The following RYR3 variants were observed in gnomAD, a reference collection of about 807,000 sequenced individuals.
The protein encoded by RYR3 is ryanodine receptor 3.
RYR3 carries 207 observed loss-of-function variants against 584.3 expected under a neutral mutation model. The ratio of observed to expected loss-of-function variants is 0.35; its 90% CI spans 0.32 to 0.40. RYR3 has a LOEUF of 0.40. Among genes scored for constraint, RYR3 ranks in the 10% least tolerant of loss-of-function variants. The pLI, the probability that RYR3 is intolerant of heterozygous loss-of-function variation, is 1.00. For synonymous variants in RYR3, 2,416 were observed against 2,248.5 expected (o/e 1.07, Z -2.11); for missense variants, 5,616 against 6,089.2 (o/e 0.92, Z 2.59).
intron 67 of RYR3, among the ~76,000 whole-genome samples, chr15:33,789,208 A>C (rs1279000994): frequency 6.6e-6 from 1 of 152,114 alleles, no homozygotes; most frequent in Non-Finnish European, 1.5e-5. Context: ...GAGAGGCAAC[A>C]CGGGGCCGAG....
chr15:33,625,380 C>T (rs1350428284), intron 20 of RYR3, among the ~76,000 whole-genome samples: 21 of 152,120 alleles, frequency 1.4e-4, no homozygotes, highest in Admixed American at 1.4e-3. Context: ...TATTTCTCTG[C>T]CTGCTTCACA....
At chr15:33,313,039 A>G (rs1205528722) in intron 1 of RYR3, among the ~76,000 whole-genome samples, 1 of 152,144 alleles carries the variant, frequency 6.6e-6, no homozygotes, top group African/African-American at 2.4e-5. Context: ...TGTTGCAGAG[A>G]ACTGCATACC....
intron 3 of RYR3, among the ~76,000 whole-genome samples, chr15:33,514,797 C>T (rs575489394): frequency 4.6e-5 from 7 of 151,940 alleles, no homozygotes; most frequent in Admixed American, 2.6e-4. Context: ...GTCAGGAGAT[C>T]GAGACCATCC....
chr15:33,511,177 A>G (rs2052951188), intron 3 of RYR3, among the ~76,000 whole-genome samples: 1 of 152,072 alleles, frequency 6.6e-6, no homozygotes, highest in African/African-American at 2.4e-5. Flanking sequence ...GACTTAGGCG[A>G]CAGCACATTG....
At position 33,826,155 on chromosome 15, in the gene RYR3, T is replaced by A. The variant is rs541184769; in HGVS notation, c.11147-97T>A. On this transcript the variant is annotated intron_variant, in intron 82 of 103. Coordinates refer to ENST00000634891, the MANE Select transcript of RYR3 (RefSeq NM_001036.6). ...GCTTTAATAAAGCTATCATCTAGGA[T>A]GGATGTGTTCACATAGCCAGTTTTA... is the stretch of plus-strand genomic sequence containing the variant. 10 of 1,154,338 alleles carry A rather than the reference T, an allele frequency of 8.7e-6. No homozygotes were observed. In the East Asian group the frequency reaches 2.3e-4, roughly 27 times the overall value. The allele number at this position is 1,154,338 out of a possible 1,614,324, so 71.5% of individuals were successfully genotyped here.
chr15:33,649,049 T>TAGG, intron 30 of RYR3, 23 bp from the exon 31 acceptor site: 1 of 1,586,888 alleles, frequency 6.3e-7, no homozygotes, highest in Non-Finnish European at 8.6e-7. Flanking sequence ...GGCCATTGAC[T>TAGG]CCCCTCTGCG....
At chr15:33,478,990 CT>C (rs1208851546) in intron 2 of RYR3, among the ~76,000 whole-genome samples, 1 of 152,134 alleles carries the variant, frequency 6.6e-6, no homozygotes, top group Non-Finnish European at 1.5e-5. Context: ...AGTCCCACTT[CT>C]TTTTTGAGGA....
intron 35 of RYR3, 55 bp from the exon 36 acceptor site, chr15:33,663,482 C>G (rs1013646954): frequency 1.8e-5 from 27 of 1,499,566 alleles, no homozygotes; most frequent in African/African-American, 8.3e-5. Flanking sequence ...AATGGGCATG[C>G]TAGCAGCCTC....
chr15:33,858,078 G>A lies in RYR3; in HGVS notation c.14142+164G>A, dbSNP rs548689998. ...AGAAGACAGATGTCTTCTCCAAACA[G>A]GAGAGTGTCCTGGGAAGACAGAAGT... On this transcript the variant is annotated intron_variant, in intron 99 of 103. Transcript: ENST00000634891. 19 of 928,902 alleles carry A rather than the reference G, an allele frequency of 2.0e-5. No homozygotes were observed. The African/African-American group carries it at 2.7e-4, about 13-fold the overall frequency. 57.5% of individuals were successfully genotyped at this position (928,902 alleles called of 1,614,324 possible). A position where few individuals can be genotyped will look rare whatever the true frequency, so the allele number is the denominator to read the frequency against.
intron 3 of RYR3, among the ~76,000 whole-genome samples, chr15:33,513,946 T>C (rs1440779052): frequency 2.6e-5 from 4 of 152,220 alleles, no homozygotes; most frequent in Non-Finnish European, 5.9e-5. Context: ...GTGGTTGAAA[T>C]TGTACTTGTT....
chr15:33,748,437 C>T (rs1197626005), intron 54 of RYR3, 31 bp from the exon 55 acceptor site: 2 of 1,606,038 alleles, frequency 1.2e-6, no homozygotes, highest in Non-Finnish European at 1.7e-6. Flanking sequence ...AAAATAATGG[C>T]AACCCAGTGA....
intron 2 of RYR3, among the ~76,000 whole-genome samples, chr15:33,499,930 C>G (rs1449354308): frequency 2.0e-5 from 3 of 152,126 alleles, no homozygotes; most frequent in Non-Finnish European, 4.4e-5. Flanking sequence ...GACAGGGGCT[C>G]GTGACCACGG....
chr15:33,421,593 G>GT (rs1432256345), intron 1 of RYR3, among the ~76,000 whole-genome samples: 2 of 152,226 alleles, frequency 1.3e-5, no homozygotes, highest in East Asian at 3.9e-4. Context: ...CAGAGGAGGG[G>GT]TTTTTGAAAG....
intron 5 of RYR3, among the ~76,000 whole-genome samples, chr15:33,537,379 T>C (rs538629807): frequency 6.6e-6 from 1 of 152,284 alleles, no homozygotes; most frequent in East Asian, 1.9e-4. Context: ...AGTTTGTTTG[T>C]TTGTTTTTTG....
intron 1 of RYR3, among the ~76,000 whole-genome samples, chr15:33,419,585 G>C (rs556828396): frequency 6.6e-6 from 1 of 152,110 alleles, no homozygotes; most frequent in Non-Finnish European, 1.5e-5. Context: ...CTGCTGACAG[G>C]CTCTGTCAAA....
chr15:33,511,559 C>T lies in RYR3; in HGVS notation c.279+7821C>T, dbSNP rs1401817490. 2.0e-5 allele frequency among the ~76,000 whole-genome samples: 3 copies of T among 151,484 alleles called. No homozygotes were observed. The East Asian group carries it at 5.8e-4, about 29-fold the overall frequency. On this transcript the variant is annotated intron_variant, in intron 3 of 103. Transcript: ENST00000634891. ...TGTATTTGTCATGAACTGGGCCTTT[C>T]ACTTGTGAGTGTTCAGGGCAGTTTC...
chr15:33,472,928 A>G (rs115870603), intron 1 of RYR3, among the ~76,000 whole-genome samples: 319 of 152,224 alleles, frequency 2.1e-3, no homozygotes, highest in African/African-American at 6.2e-3. Context: ...GGCCCACGAC[A>G]TACACTGCCT....
At chr15:33,614,581 C>G (rs2060357216) in intron 19 of RYR3, among the ~76,000 whole-genome samples, 1 of 152,012 alleles carries the variant, frequency 6.6e-6, no homozygotes, top group South Asian at 2.1e-4. Flanking sequence ...CTTTTTCCAA[C>G]ACAGTATTTT....
chr15:33,548,160 G>A lies in RYR3; in HGVS notation c.771G>A (p.Gly257=). ...TATTCTACGAAGCTGGGGGAGCTGG[G>A]ACTCGAGCCAGGTCTCTTTGGAGAG... ...RRIFYEAGGA[G]TRARSLWRVE... Residue 257 remains glycine, a synonymous_variant, in exon 9 of 104, where the codon GGG becomes GGA. Transcript: ENST00000634891. The A allele has an allele frequency of 1.2e-6, 2 of 1,612,842 alleles. No individual in the cohort carries two copies. Among genetic ancestry groups the A allele is most frequent in the Non-Finnish European group, 1.7e-6 (2 of 1,179,474 alleles).
Sources: gnomAD v4.1 joint callset for allele counts (sites outside exome capture counted in the v4.1 genomes callset) on GRCh38, gnomAD v4.1.1 for gene constraint, MANE v1.5 for transcripts, NCBI Gene and HGNC (gene_info 2026-07-23, HGNC 2026-07-21) for gene names.